Variants in CDH4 observed in about 807,000 individuals in gnomAD.
The protein encoded by CDH4 is cadherin 4, also known as cadherin-4.
Under a neutral mutation model 86.0 loss-of-function variants are expected in CDH4, and 33 were observed. That is an observed-to-expected ratio of 0.38 (90% CI 0.29 to 0.51). The LOEUF (loss-of-function observed/expected upper bound fraction) is 0.51, where lower values mean the gene tolerates loss of function less well. Ranked by LOEUF, CDH4 falls within the 20% of genes least tolerant of loss-of-function variation. The pLI, the probability that CDH4 is intolerant of heterozygous loss-of-function variation, is 0.86. For synonymous variants in CDH4, 555 were observed against 549.4 expected (o/e 1.01, Z -0.14); for missense variants, 1,114 against 1,307.4 (o/e 0.85, Z 2.28).
rs575878603 is a variant in CDH4, at chr20:61,851,560, C to T, written c.733-1194C>T. Among the ~76,000 whole-genome samples, 3 of 152,312 alleles carry T rather than the reference C, an allele frequency of 2.0e-5. No homozygotes were observed. In the East Asian group the frequency reaches 5.8e-4, roughly 29 times the overall value. On this transcript the variant is annotated intron_variant, in intron 5 of 15. Transcript: ENST00000614565. ...CTGGGTGATGTTTTGCTGCAAATAC[C>T]TTGAGTGAGGTCTGTTGTGTCCAAC...
At chr20:61,358,802 C>T (rs766656366) in intron 2 of CDH4, among the ~76,000 whole-genome samples, 3 of 152,006 alleles carry the variant, frequency 2.0e-5, no homozygotes, top group Admixed American at 6.6e-5. Context: ...CGCTTTAATG[C>T]GGGGGGGAAG....
chr20:61,333,945 G>C (rs964418534), intron 2 of CDH4, among the ~76,000 whole-genome samples: 1 of 152,212 alleles, frequency 6.6e-6, no homozygotes, highest in Non-Finnish European at 1.5e-5. Flanking sequence ...GGGGCCTCCT[G>C]GTCGGTGAGG....
chr20:61,751,771 A>G (rs1198092608), intron 3 of CDH4, among the ~76,000 whole-genome samples: 1 of 152,220 alleles, frequency 6.6e-6, no homozygotes, highest in Admixed American at 6.5e-5. Context: ...TTTGGGGGAA[A>G]GTTTGCCCAT....
chr20:61,897,447 C>G (rs199663590), intron 8 of CDH4, among the ~76,000 whole-genome samples: 1 of 151,974 alleles, frequency 6.6e-6, no homozygotes, highest in East Asian at 1.9e-4. Flanking sequence ...CAGCGCTGAC[C>G]AGCCACCACC....
At chr20:61,869,392 G>C (rs1983696991) in intron 6 of CDH4, among the ~76,000 whole-genome samples, 1 of 152,238 alleles carries the variant, frequency 6.6e-6, no homozygotes, top group African/African-American at 2.4e-5. Context: ...AGTTGGAACA[G>C]GGAATGTGTG....
chr20:61,474,623 A>G (rs1359379494), intron 2 of CDH4, among the ~76,000 whole-genome samples: 1 of 152,096 alleles, frequency 6.6e-6, no homozygotes, highest in Non-Finnish European at 1.5e-5. Flanking sequence ...GTGATTTTTT[A>G]TAATCATTGT....
At chr20:61,342,057 A>G (rs1257080682) in intron 2 of CDH4, among the ~76,000 whole-genome samples, 1 of 152,190 alleles carries the variant, frequency 6.6e-6, no homozygotes, top group Non-Finnish European at 1.5e-5. Context: ...AGGCAGAGCT[A>G]TGGATGACTG....
intron 4 of CDH4, among the ~76,000 whole-genome samples, chr20:61,780,770 A>G (rs1160582858): frequency 6.6e-6 from 1 of 152,210 alleles, no homozygotes; most frequent in Non-Finnish European, 1.5e-5. Flanking sequence ...AAGGGAGAAA[A>G]TGGCACTGGG....
chr20:61,837,526 T>C (rs1266301317), intron 4 of CDH4, among the ~76,000 whole-genome samples: 1 of 152,198 alleles, frequency 6.6e-6, no homozygotes, highest in Non-Finnish European at 1.5e-5. Context: ...CAGGTGGGGC[T>C]GACGCTCTGA....
chr20:61,610,897 C>G (rs2086680217), intron 2 of CDH4, among the ~76,000 whole-genome samples: 2 of 152,104 alleles, frequency 1.3e-5, no homozygotes, highest in African/African-American at 4.8e-5. Context: ...CCAGAGTGGA[C>G]CTGCAGAAGA....
intron 7 of CDH4, among the ~76,000 whole-genome samples, chr20:61,889,764 G>C (rs541524504): frequency 4.8e-4 from 72 of 150,396 alleles, no homozygotes; most frequent in African/African-American, 1.8e-3. Context: ...ATGCATGGAT[G>C]GATTATGCAT....
At chr20:61,700,490 G>C (rs2087763165) in intron 2 of CDH4, among the ~76,000 whole-genome samples, 2 of 152,190 alleles carry the variant, frequency 1.3e-5, no homozygotes, top group South Asian at 4.1e-4. Context: ...GAAGTTCCTT[G>C]GTAGCACGTC....
intron 13 of CDH4, among the ~76,000 whole-genome samples, chr20:61,932,423 C>T (rs1346580016): frequency 1.3e-5 from 2 of 152,200 alleles, no homozygotes; most frequent in Admixed American, 6.5e-5. Flanking sequence ...GGCATGCATG[C>T]ACGCACAGAC....
chr20:61,412,711 C>T (rs913139875), intron 2 of CDH4, among the ~76,000 whole-genome samples: 6 of 152,310 alleles, frequency 3.9e-5, no homozygotes, highest in South Asian at 2.1e-4. Context: ...CGACTTTATT[C>T]GTGGAGTTCC....
chr20:61,500,558 A>T (rs1034928109), intron 2 of CDH4, among the ~76,000 whole-genome samples: 1 of 152,180 alleles, frequency 6.6e-6, no homozygotes, highest in African/African-American at 2.4e-5. Flanking sequence ...GTGCTGGGAA[A>T]ACACAGAAGG....
intron 2 of CDH4, among the ~76,000 whole-genome samples, chr20:61,406,178 G>A (rs1021888589): frequency 1.8e-4 from 27 of 152,088 alleles, no homozygotes; most frequent in Non-Finnish European, 3.1e-4. Context: ...GGTAATGCCC[G>A]TCTGGTACAC....
chr20:61,590,304 T>C (rs187846965), intron 2 of CDH4, among the ~76,000 whole-genome samples: 4 of 152,142 alleles, frequency 2.6e-5, no homozygotes, highest in Admixed American at 2.6e-4. Flanking sequence ...CTGAGTCCTC[T>C]GATGGGAGAT....
intron 2 of CDH4, among the ~76,000 whole-genome samples, chr20:61,721,783 C>G (rs569189363): frequency 2.0e-4 from 31 of 152,268 alleles, no homozygotes; most frequent in Non-Finnish European, 3.5e-4. Context: ...ACTTCATTAC[C>G]AGCTTTTTTC....
intron 2 of CDH4, among the ~76,000 whole-genome samples, chr20:61,677,721 AGAT>A (rs2087459681): frequency 6.6e-6 from 1 of 151,966 alleles, no homozygotes; most frequent in African/African-American, 2.4e-5. Flanking sequence ...GGATGATAGA[AGAT>A]AGGCAGGTAG....
Sources: allele counts gnomAD v4.1 joint callset (sites outside exome capture counted in the v4.1 genomes callset), GRCh38; gene constraint gnomAD v4.1.1; transcripts MANE v1.5; gene names NCBI Gene and HGNC (gene_info 2026-07-23, HGNC 2026-07-21).